Variants in NWD2 observed in about 807,000 individuals in gnomAD.
NWD2 encodes NACHT and WD repeat domain containing 2, also known as NACHT and WD repeat domain-containing protein 2.
NWD2 carries 37 observed loss-of-function variants against 132.7 expected under a neutral mutation model. The ratio of observed to expected loss-of-function variants is 0.28; its 90% confidence interval spans 0.21 to 0.37. The LOEUF is 0.37. Ranked by LOEUF, NWD2 falls within the 10% of genes least tolerant of loss-of-function variation. The pLI is 1.00. For synonymous variants in NWD2, 705 were observed against 803.0 expected, an observed-to-expected ratio of 0.88 and a Z score of 2.06; for missense variants, 1,592 against 2,122.4, an observed-to-expected ratio of 0.75 and a Z score of 4.91.
intron 1 of NWD2, among the ~76,000 whole-genome samples, chr4:37,288,067 A>G (rs1718272920): frequency 6.6e-6 from 1 of 152,194 alleles, no homozygotes; most frequent in Non-Finnish European, 1.5e-5. Context: ...GGAACAGAAA[A>G]TGAAACACCA....
intron 3 of NWD2, among the ~76,000 whole-genome samples, chr4:37,379,724 C>T (rs994638577): frequency 6.6e-6 from 1 of 152,130 alleles, no homozygotes; most frequent in Non-Finnish European, 1.5e-5. Flanking sequence ...TGCCAAGGAA[C>T]ACTTTCATTA....
At chr4:37,275,735 T>C (rs1717997226) in intron 1 of NWD2, among the ~76,000 whole-genome samples, 1 of 152,138 alleles carries the variant, frequency 6.6e-6, no homozygotes, top group South Asian at 2.1e-4. Flanking sequence ...AGCATGGTAC[T>C]GGTACCAAAA....
chr4:37,405,772 T>C (rs953195928), intron 3 of NWD2, among the ~76,000 whole-genome samples: 3 of 152,212 alleles, frequency 2.0e-5, no homozygotes, highest in Non-Finnish European at 4.4e-5. Flanking sequence ...TGCTCTGACA[T>C]AGGTTATCTT....
At chr4:37,276,933 A>G (rs1168477079) in intron 1 of NWD2, among the ~76,000 whole-genome samples, 1 of 151,868 alleles carries the variant, frequency 6.6e-6, no homozygotes, top group Admixed American at 6.6e-5. Context: ...GAATTGAACA[A>G]TGAGAACACA....
chr4:37,312,114 T>C (rs1012317903), intron 1 of NWD2, among the ~76,000 whole-genome samples: 4 of 151,608 alleles, frequency 2.6e-5, no homozygotes, highest in African/African-American at 4.9e-5. Flanking sequence ...CGATGCGGGC[T>C]CTTTTTTGGT....
chr4:37,409,787 A>C (rs936913926), intron 3 of NWD2, among the ~76,000 whole-genome samples: 9 of 152,266 alleles, frequency 5.9e-5, no homozygotes, highest in African/African-American at 2.2e-4. Context: ...AGGGAAGCCC[A>C]TCAGACTAAC....
rs1046841965 is a variant in NWD2 at position 37,438,844 on chromosome 4, A to G, written c.750A>G (p.Pro250=). 4.5e-6 allele frequency: 7 copies of G among 1,551,542 alleles called. No homozygotes were observed. In the Admixed American group the frequency reaches 1.4e-4, roughly 30 times the overall value. ...EFDFALGKQT[P]AFLKKCVCYI... is the part of the protein sequence containing the mutation. ...ACTTTGCTCTGGGAAAACAAACTCC[A>G]GCATTTCTAAAGAAGTGTGTTTGCT... The change falls in exon 6 of 7, where the codon CCA becomes CCG. Residue 250 remains proline, a synonymous_variant. Coordinates refer to ENST00000309447, the MANE Select transcript of NWD2 (RefSeq NM_001144990.2).
At position 37,443,075 on chromosome 4, in the gene NWD2, G is replaced by A. The variant is rs1249431172; in HGVS notation, c.1297-210G>A. ...TGCTACTTTAGTACACTCAGTAGGG[G>A]TAATCCTGAGGGTCTCACCTGTAGA... On this transcript the variant is annotated intron_variant, in intron 6 of 6. Coordinates refer to ENST00000309447, the MANE Select transcript of NWD2 (RefSeq NM_001144990.2). This position sits in a 1 kb window ranked among gnomAD's most constrained non-coding sequence, Gnocchi z 4.1. 6.6e-6 allele frequency among the ~76,000 whole-genome samples: 1 copy of A among 152,106 alleles called. No individual in the cohort carries two copies. The highest frequency in any genetic ancestry group is 6.6e-5 in the Admixed American group (1 of 15,260).
intron 3 of NWD2, among the ~76,000 whole-genome samples, chr4:37,374,396 G>A (rs959547843): frequency 2.6e-5 from 4 of 152,142 alleles, no homozygotes; most frequent in Non-Finnish European, 5.9e-5. Flanking sequence ...TTAGCCTCGG[G>A]TATTCATTTA....
chr4:37,265,702 T>C (rs1336416458), intron 1 of NWD2, among the ~76,000 whole-genome samples: 1 of 152,038 alleles, frequency 6.6e-6, no homozygotes, highest in Non-Finnish European at 1.5e-5. Flanking sequence ...CTTTTGTGGT[T>C]ATATTTCCTC....
At chr4:37,396,490 A>T (rs1345813844) in intron 3 of NWD2, among the ~76,000 whole-genome samples, 1 of 152,172 alleles carries the variant, frequency 6.6e-6, no homozygotes, top group Non-Finnish European at 1.5e-5. Context: ...TGCCGTCACT[A>T]TTCTTTACAA....
chr4:37,274,506 GA>G (rs1313278019), intron 1 of NWD2, among the ~76,000 whole-genome samples: 4 of 152,130 alleles, frequency 2.6e-5, no homozygotes, highest in Admixed American at 6.6e-5. Context: ...AGCGGTACAA[GA>G]AGGAGCTGGT....
chr4:37,418,342 A>G (rs1321939490), intron 3 of NWD2, among the ~76,000 whole-genome samples: 1 of 152,162 alleles, frequency 6.6e-6, no homozygotes. Flanking sequence ...AGAAGAGACA[A>G]GTCTTCTATG....
In NWD2 at chr4:37,299,161, T is replaced by C. The variant is rs373491112; in HGVS notation, c.152-26775T>C. On this transcript the variant is annotated intron_variant, in intron 1 of 6. Transcript: ENST00000309447. The stretch of plus-strand genomic sequence containing the variant: ...GATTACTGCAGCTAGTTCAAAGCAA[T>C]CCCCCTATTCCAGTTTCTTCTTTTT... Among the ~76,000 whole-genome samples the C allele has an allele frequency of 1.5e-3, 222 of 152,210 alleles. 8 individuals carry two copies. In the South Asian group the frequency reaches 0.044, roughly 30 times the overall value.
rs200752819 is a variant in NWD2, at chr4:37,329,038, G to GA, written c.240+3025dup. ...GAATTTGTTGAATGAATGGTTACATGAAAAAAAAAAATGAATGAATGAAGA... is the reference window on the plus strand; with the variant it reads ...GAATTTGTTGAATGAATGGTTACATGAAAAAAAAAAAATGAATGAATGAAGA... On this transcript the variant is annotated intron_variant, in intron 2 of 6. Transcript: ENST00000309447. Among the ~76,000 whole-genome samples the GA allele has an allele frequency of 1.0e-2, 1,476 of 147,692 alleles. 54 individuals carry two copies. In the East Asian group the frequency reaches 0.12, roughly 12 times the overall value.
rs1042673104 is a variant in NWD2, at chr4:37,441,692, G to C, written c.1297-1593G>C. Among the ~76,000 whole-genome samples the C allele has an allele frequency of 5.9e-5, 9 of 152,198 alleles. No homozygotes were observed. The East Asian group carries it at 1.7e-3, about 29-fold the overall frequency. On this transcript the variant is annotated intron_variant, in intron 6 of 6. Transcript: ENST00000309447. Reference sequence around the variant, plus strand: ...GAGTCTGTCTATTGACTATCCAGGAGTCGGGTCCTCCAAGAAACTGTGCCT... The same window carrying C: ...GAGTCTGTCTATTGACTATCCAGGACTCGGGTCCTCCAAGAAACTGTGCCT...
At chr4:37,257,339 C>T (rs1717541177) in intron 1 of NWD2, among the ~76,000 whole-genome samples, 1 of 152,166 alleles carries the variant, frequency 6.6e-6, no homozygotes, top group Non-Finnish European at 1.5e-5. Flanking sequence ...AGAAAACAAA[C>T]ATTATAATGT....
chr4:37,405,784 G>GAACATTTTAAAGATGTTA (rs1720992097), intron 3 of NWD2, among the ~76,000 whole-genome samples: 1 of 152,136 alleles, frequency 6.6e-6, no homozygotes, highest in African/African-American at 2.4e-5. Context: ...GGTTATCTTG[G>GAACATTTTAAAGATGTTA]AACATTTTAA....
intron 3 of NWD2, among the ~76,000 whole-genome samples, chr4:37,418,465 A>G (rs1320776362): frequency 6.6e-6 from 1 of 152,064 alleles, no homozygotes; most frequent in Non-Finnish European, 1.5e-5. Flanking sequence ...ATTTCCTTCT[A>G]ACGAGTACAG....
Sources: allele counts gnomAD v4.1 joint callset (sites outside exome capture counted in the v4.1 genomes callset), GRCh38; gene constraint gnomAD v4.1.1; non-coding constraint Gnocchi (gnomAD v3.1); transcripts MANE v1.5; gene names NCBI Gene and HGNC (gene_info 2026-07-23, HGNC 2026-07-21).